Variants in SAMD5 observed in about 807,000 individuals in gnomAD.
The protein encoded by SAMD5 is sterile alpha motif domain containing 5.
A neutral mutation model predicts 11.3 loss-of-function variants in SAMD5; 13 were observed. The observed-to-expected ratio is 1.15, with a 90% CI of 0.75 to 1.83. The LOEUF (loss-of-function observed/expected upper bound fraction) is 1.83, where lower values mean the gene tolerates loss of function less well. SAMD5 is among the 40% of genes most tolerant of loss of function. The pLI is 0.00. For missense variants in SAMD5, 255 were observed against 239.1 expected (o/e 1.07, Z -0.44); for synonymous variants, 129 against 111.3 (o/e 1.16, Z -1.00).
the SAMD5 span, among the ~76,000 whole-genome samples, chr6:147,836,109 A>G: frequency 1.3e-5 from 2 of 152,150 alleles, no homozygotes; most frequent in Non-Finnish European, 2.9e-5. Context: ...TAACTACTTC[A>G]TGTACATCCC....
At chr6:147,759,383 G>A in the SAMD5 span, among the ~76,000 whole-genome samples, 238 of 152,238 alleles carry the variant, frequency 1.6e-3, 1 homozygote, top group African/African-American at 5.4e-3. Flanking sequence ...CTTTACAGAT[G>A]GGGCCTAGAT....
At chr6:147,656,304 C>T (rs1395274123) in intron 1 of SAMD5, among the ~76,000 whole-genome samples, 2 of 152,010 alleles carry the variant, frequency 1.3e-5, no homozygotes, top group African/African-American at 4.8e-5. Flanking sequence ...TTTAAAAATC[C>T]CTATACAACA....
chr6:147,687,276 C>CT lies in SAMD5; in HGVS notation c.163-50019dup, dbSNP rs59851113. ...CTTCCCTTCCTTTCCTCTCCTCCTTCTTTTTTTTTTTTTTTTTTTTTTAGG... is the reference window on the plus strand; with the variant it reads ...CTTCCCTTCCTTTCCTCTCCTCCTTCTTTTTTTTTTTTTTTTTTTTTTTAGG... On this transcript the variant is annotated intron_variant, in intron 1 of 1. Coordinates refer to the SAMD5 transcript ENST00000566741. 3.5e-3 allele frequency among the ~76,000 whole-genome samples: 364 copies of CT among 105,016 alleles called. 3 individuals carry two copies. The highest frequency in any genetic ancestry group is 4.2e-3 in the Admixed American group (40 of 9,636). 68.9% of individuals were successfully genotyped at this position (105,016 alleles called of 152,430 possible). A position where few individuals can be genotyped will look rare whatever the true frequency, so the allele number is the denominator to read the frequency against.
At chr6:147,864,432 T>A in the SAMD5 span, among the ~76,000 whole-genome samples, 1 of 152,232 alleles carries the variant, frequency 6.6e-6, no homozygotes, top group Admixed American at 6.5e-5. Flanking sequence ...ACCGACCATC[T>A]TGTGCTACGT....
the SAMD5 span, among the ~76,000 whole-genome samples, chr6:147,934,144 A>C: frequency 1.3e-5 from 2 of 152,264 alleles, no homozygotes; most frequent in Admixed American, 6.5e-5. Context: ...TTGATGGGGG[A>C]GGAGGAAAGG....
chr6:147,953,947 TAGAA>T, the SAMD5 span: 2 of 152,178 alleles, frequency 1.3e-5, no homozygotes, highest in South Asian at 4.1e-4. Context: ...ATTTTTATCA[TAGAA>T]AGAGCTAAAA....
chr6:147,914,870 G>A, the SAMD5 span, among the ~76,000 whole-genome samples: 17 of 152,190 alleles, frequency 1.1e-4, no homozygotes, highest in Non-Finnish European at 2.1e-4. Context: ...TAATCATGAC[G>A]AAACATCAGA....
Position 147,509,055 on chromosome 6 carries a change from G to T in SAMD5, c.127G>T (p.Ala43Ser). 1 of 1,605,806 alleles carries T rather than the reference G, an allele frequency of 6.2e-7. No individual in the cohort carries two copies. Among genetic ancestry groups the T allele is most frequent in the South Asian group, 1.1e-5 (1 of 89,724 alleles). ...CKQIGDPDLDAIGVLAPAHRR... is the reference protein window; with the variant it reads ...CKQIGDPDLDSIGVLAPAHRR... The stretch of plus-strand genomic sequence containing the variant: ...GCAGATCGGGGACCCGGACCTGGAT[G>T]CCATCGGGGTGCTGGCGCCCGCGCA... Residue 43 changes from alanine (A) to serine (S), a missense_variant, in exon 1 of 2, where the codon GCC becomes TCC. Coordinates refer to ENST00000367474, the MANE Select transcript of SAMD5 (RefSeq NM_001030060.3).
At chr6:147,513,149 T>C (rs1234063619) in intron 1 of SAMD5, among the ~76,000 whole-genome samples, 2 of 152,050 alleles carry the variant, frequency 1.3e-5, no homozygotes, top group African/African-American at 4.8e-5. Flanking sequence ...TGGCAGGAGA[T>C]GGAGAGGCAG....
chr6:147,603,366 G>T (rs960749683), intron 1 of SAMD5, among the ~76,000 whole-genome samples: 1 of 152,158 alleles, frequency 6.6e-6, no homozygotes, highest in Non-Finnish European at 1.5e-5. Context: ...GGTTTATATT[G>T]ATGAACAGAG....
the SAMD5 span, among the ~76,000 whole-genome samples, chr6:147,814,851 A>T: frequency 6.6e-6 from 1 of 152,172 alleles, no homozygotes. Context: ...GGGAAATGTA[A>T]TTGGCAGGAA....
At chr6:147,899,375 C>T in the SAMD5 span, among the ~76,000 whole-genome samples, 611 of 152,168 alleles carry the variant, frequency 4.0e-3, 3 homozygotes, top group African/African-American at 0.014. Context: ...AGGTCTCAAA[C>T]TGCATGTCCT....
intron 1 of SAMD5, among the ~76,000 whole-genome samples, chr6:147,529,785 C>T (rs1321634491): frequency 2.0e-5 from 3 of 152,058 alleles, no homozygotes; most frequent in African/African-American, 4.8e-5. Context: ...TTTTAAATAT[C>T]CAATAAAAAT....
At chr6:147,731,683 ACCCT>A (rs1363743024) in intron 1 of SAMD5, among the ~76,000 whole-genome samples, 152 of 134,274 alleles carry the variant, frequency 1.1e-3, no homozygotes, top group African/African-American at 3.9e-3. Flanking sequence ...CCTGAATGCA[ACCCT>A]CCCTCCCTCC....
chr6:147,887,560 C>T, the SAMD5 span, among the ~76,000 whole-genome samples: 3 of 152,088 alleles, frequency 2.0e-5, no homozygotes. Context: ...TGCTACATCA[C>T]AGTTTGTCTT....
chr6:147,735,786 T>G (rs1294746596), intron 1 of SAMD5, among the ~76,000 whole-genome samples: 2 of 152,194 alleles, frequency 1.3e-5, no homozygotes, highest in African/African-American at 4.8e-5. Context: ...AAAAACCAGA[T>G]AGTTGACGTG....
chr6:147,854,426 T>C, the SAMD5 span, among the ~76,000 whole-genome samples: 1 of 152,114 alleles, frequency 6.6e-6, no homozygotes, highest in East Asian at 1.9e-4. Flanking sequence ...TGATCTCTGT[T>C]TAAGAGGAAA....
chr6:147,865,313 A>AGT, the SAMD5 span, among the ~76,000 whole-genome samples: 231 of 147,266 alleles, frequency 1.6e-3, 2 homozygotes, highest in African/African-American at 3.7e-3. Context: ...TAGGTATATA[A>AGT]GTGTGTGTGT....
At chr6:147,803,370 G>A in the SAMD5 span, among the ~76,000 whole-genome samples, 1 of 151,924 alleles carries the variant, frequency 6.6e-6, no homozygotes, top group Admixed American at 6.6e-5. Context: ...TTCGGCCATC[G>A]TCGTCTCTCA....
Sources: allele counts gnomAD v4.1 joint callset (sites outside exome capture counted in the v4.1 genomes callset), GRCh38; gene constraint gnomAD v4.1.1; transcripts MANE v1.5; gene names NCBI Gene and HGNC (gene_info 2026-07-23, HGNC 2026-07-21).